ZNF596: variants seen among roughly 807,000 people sequenced by gnomAD.
The protein encoded by ZNF596 is zinc finger protein 596.
A neutral mutation model predicts 48.3 loss-of-function variants in ZNF596; 45 were observed. The observed-to-expected ratio is 0.93, with a 90% CI of 0.73 to 1.19. The LOEUF (loss-of-function observed/expected upper bound fraction) is 1.19, where lower values mean the gene tolerates loss of function less well. Ranked by LOEUF, ZNF596 falls within the 50% of genes most tolerant of loss-of-function variation. The pLI is 0.00. For missense variants in ZNF596, 848 were observed against 599.7 expected, an observed-to-expected ratio of 1.41 and a Z score of -4.32; for synonymous variants, 270 against 202.0, an observed-to-expected ratio of 1.34 and a Z score of -2.85.
chr8:232,272 G>A (rs1796428927), upstream of ZNF596: 1 of 165,990 alleles, frequency 6.0e-6, no homozygotes, highest in African/African-American at 2.4e-5. Flanking sequence ...AGGTCGGTAA[G>A]CTCCCCGCCC....
Position 246,361 on chromosome 8 carries a change from A to G in ZNF596, c.1514A>G (p.Ter505=). 4 of 1,576,830 alleles carry G rather than the reference A, an allele frequency of 2.5e-6. No homozygotes were observed. Among genetic ancestry groups the G allele is most frequent in the South Asian group, 2.4e-5 (2 of 83,722 alleles). ...RTHTKKAMNM[*] ...CACACTAAAAAAGCAATGAATATGT[A>G]AGAATCATCAGCTGTAGCGTTAACA... Residue 505 remains the stop codon, a stop_retained_variant, in exon 6 of 6, where the codon TAA becomes TGA. Coordinates refer to ENST00000398612, the MANE Select transcript of ZNF596 (RefSeq NM_001042416.3).
At chr8:243,112 C>G (rs935330520) in intron 3 of ZNF596, 99 bp downstream of exon 3, 6 of 1,099,508 alleles carry the variant, frequency 5.5e-6, no homozygotes, top group African/African-American at 1.6e-5. Context: ...CTTAGAACAG[C>G]TTTCTCATCT....
chr8:233,960 C>T (rs528040663), intron 1 of ZNF596, among the ~76,000 whole-genome samples: 2 of 152,302 alleles, frequency 1.3e-5, no homozygotes, highest in East Asian at 3.9e-4. Flanking sequence ...TCTCTACTGG[C>T]TTCTGTTCAC....
Position 245,488 on chromosome 8 carries a change from A to C in ZNF596, c.641A>C (p.Glu214Ala), listed in dbSNP as rs1797032309. The C allele has an allele frequency of 6.2e-7, 1 of 1,614,190 alleles. No individual in the cohort carries two copies. The highest frequency in any genetic ancestry group is 8.5e-7 in the Non-Finnish European group (1 of 1,180,020). The change falls in exon 6 of 6, where the codon GAG (glutamate) becomes GCG (alanine). Residue 214 changes from glutamate to alanine, a missense_variant. Physicochemically the swap from Glu to Ala is moderately radical, Grantham distance 107. Coordinates refer to ENST00000398612, the MANE Select transcript of ZNF596 (RefSeq NM_001042416.3). Reference sequence around the variant, plus strand: ...AAAAATTCTAATCTTAGGCGACATGAGATGATTCACACTGGAGAGAAACCA... The same window carrying C: ...AAAAATTCTAATCTTAGGCGACATGCGATGATTCACACTGGAGAGAAACCA... ...FSKNSNLRRH[E>A]MIHTGEKPHG...
chr8:233,061 G>C (rs1796479692), intron 1 of ZNF596: 1 of 468,360 alleles, frequency 2.1e-6, no homozygotes, highest in Non-Finnish European at 4.4e-6. Flanking sequence ...TGGGGCAGGA[G>C]AGTGAGGAGA....
In ZNF596 at chr8:245,658, A is replaced by G. The variant is rs759456847; in HGVS notation, c.811A>G (p.Met271Val). The G allele has an allele frequency of 1.9e-6, 3 of 1,614,004 alleles. No homozygotes were observed. ...AAGTTCTAACCTTAGACGACATGAG[A>G]TGATTCACACTAGAGAAAAAGCACA... ...SKSSNLRRHE[M>V]IHTREKAQIC... Residue 271 changes from methionine to valine, a missense_variant, in exon 6 of 6, where the codon ATG becomes GTG. Coordinates refer to ENST00000398612, the MANE Select transcript of ZNF596 (RefSeq NM_001042416.3).
chr8:246,328 A>G lies in ZNF596; in HGVS notation c.1481A>G (p.Glu494Gly), dbSNP rs759110317. The G allele has an allele frequency of 6.3e-7, 1 of 1,596,722 alleles. No homozygotes were observed. The highest frequency in any genetic ancestry group is 1.1e-5 in the South Asian group (1 of 87,714). The change falls in exon 6 of 6, where the codon GAG (glutamate) becomes GGG (glycine). Residue 494 changes from glutamate to glycine, a missense_variant. Physicochemically the swap from Glu to Gly is moderately conservative, Grantham distance 98. Transcript: ENST00000398612. ...FSKFFNLRQH[E>G]RTHTKKAMNM ...AAATTTTTTAACCTTAGACAACATG[A>G]GAGAACTCACACTAAAAAAGCAATG...
chr8:238,936 C>G (rs1796738687), intron 1 of ZNF596, among the ~76,000 whole-genome samples: 1 of 151,940 alleles, frequency 6.6e-6, no homozygotes. Context: ...GATACATGAA[C>G]AACATGAGAA....
chr8:237,274 C>A (rs1385574051), intron 1 of ZNF596: 3 of 151,950 alleles, frequency 2.0e-5, no homozygotes, highest in African/African-American at 7.2e-5. Context: ...TTATTGATTT[C>A]TGTCAAATCT....
chr8:246,399 A>T lies in ZNF596; in HGVS notation c.*37A>T. On this transcript the variant is annotated 3_prime_UTR_variant, in exon 6 of 6. Coordinates refer to ENST00000398612, the MANE Select transcript of ZNF596 (RefSeq NM_001042416.3). Reference sequence around the variant, plus strand: ...TGTAGCGTTAACACTAAATACACCAAGGACAAACATACTACAGGAATATTA... The same window carrying T: ...TGTAGCGTTAACACTAAATACACCATGGACAAACATACTACAGGAATATTA... 6.5e-7 allele frequency: 1 copy of T among 1,533,468 alleles called. No homozygotes were observed. The allele number at this position is 1,533,468 out of a possible 1,614,324, so 95.0% of individuals were successfully genotyped here.
At chr8:235,643 TA>T (rs1796588269) in intron 1 of ZNF596, among the ~76,000 whole-genome samples, 1 of 152,218 alleles carries the variant, frequency 6.6e-6, no homozygotes, top group African/African-American at 2.4e-5. Context: ...TTATATTCTG[TA>T]GTTTAATTAT....
At chr8:234,733 G>T (rs1465357933) in intron 1 of ZNF596, 3 of 152,062 alleles carry the variant, frequency 2.0e-5, no homozygotes, top group Non-Finnish European at 4.4e-5. Context: ...CCATCTTCAC[G>T]CTATCACACT....
intron 2 of ZNF596, among the ~76,000 whole-genome samples, chr8:242,438 T>G (rs1284030192): frequency 6.8e-6 from 1 of 147,450 alleles, no homozygotes; most frequent in Non-Finnish European, 1.5e-5. Flanking sequence ...CAGGTCTTTA[T>G]TTTATTCTGA....
chr8:241,677 T>C (rs1796859117), intron 2 of ZNF596, among the ~76,000 whole-genome samples: 1 of 152,170 alleles, frequency 6.6e-6, no homozygotes, highest in Admixed American at 6.5e-5. Flanking sequence ...AAGGATTTTT[T>C]TTCCCCTAAA....
Position 245,440 on chromosome 8 carries a change from G to A in ZNF596, c.593G>A (p.Arg198His), listed in dbSNP as rs141776606. The stretch of plus-strand genomic sequence containing the variant: ...ACTAGAGAGATAACATTGGAATGTC[G>A]TGTGTGTGGGAAAACCTTTAGCAAA... ...THTREITLEC[R>H]VCGKTFSKNS... The change falls in exon 6 of 6, where the codon CGT becomes CAT. Residue 198 changes from arginine (R) to histidine (H), a missense_variant. Arg to His is a conservative substitution (Grantham distance 29, BLOSUM62 0). Transcript: ENST00000398612. 9.6e-5 allele frequency: 155 copies of A among 1,614,000 alleles called. No homozygotes were observed. Among genetic ancestry groups the A allele is most frequent in the Middle Eastern group, 1.6e-4 (1 of 6,084 alleles).
chr8:232,992 T>C, intron 1 of ZNF596: 2 of 468,640 alleles, frequency 4.3e-6, no homozygotes, highest in African/African-American at 2.1e-5. Flanking sequence ...GGTGTCCCAC[T>C]GAGAAGCGGG....
intron 1 of ZNF596, chr8:240,290 A>G (rs1000156163): frequency 2.0e-5 from 3 of 152,334 alleles, no homozygotes; most frequent in Non-Finnish European, 2.9e-5. Context: ...TTCATGCTAC[A>G]TTTATCTACA....
intron 1 of ZNF596, among the ~76,000 whole-genome samples, chr8:238,230 A>T (rs906815997): frequency 6.6e-6 from 1 of 152,094 alleles, no homozygotes; most frequent in Non-Finnish European, 1.5e-5. Flanking sequence ...GTGGAGGTTT[A>T]TGGTGGCCCC....
Position 243,769 on chromosome 8 carries a change from G to A in ZNF596, c.187G>A (p.Glu63Lys), listed in dbSNP as rs1056124112. The A allele has an allele frequency of 1.1e-5, 18 of 1,613,664 alleles. No individual in the cohort carries two copies. The Admixed American group carries it at 2.0e-4, about 18-fold the overall frequency. Residue 63 changes from glutamate to lysine, a missense_variant, in exon 4 of 6, where the codon GAG (glutamate) becomes AAG (lysine). Physicochemically the swap from Glu to Lys is moderately conservative, Grantham distance 56. Coordinates refer to ENST00000398612, the MANE Select transcript of ZNF596 (RefSeq NM_001042416.3). Reference protein sequence around the residue: ...SVVLSQLEQVEKLSTQRISLL... With the variant: ...SVVLSQLEQVKKLSTQRISLL... Reference sequence around the variant, plus strand: ...TGTGCTTTCCCAATTGGAGCAAGTAGAGAAACTTTCAACACAAAGAATAAG... The same window carrying A: ...TGTGCTTTCCCAATTGGAGCAAGTAAAGAAACTTTCAACACAAAGAATAAG...
Sources: allele counts gnomAD v4.1 joint callset (sites outside exome capture counted in the v4.1 genomes callset), GRCh38; gene constraint gnomAD v4.1.1; transcripts MANE v1.5; gene names NCBI Gene and HGNC (gene_info 2026-07-23, HGNC 2026-07-21).